KIAA0825: variants seen among roughly 807,000 people sequenced by gnomAD.
KIAA0825 encodes the protein KIAA0825.
KIAA0825 carries 119 observed loss-of-function variants against 147.6 expected under a neutral mutation model. The observed-to-expected ratio is 0.81, with a 90% CI of 0.69 to 0.94. The LOEUF (loss-of-function observed/expected upper bound fraction) is 0.94. Among genes scored for constraint, KIAA0825 ranks in the 40% least tolerant of loss-of-function variants. KIAA0825 has a pLI of 0.00. For synonymous variants in KIAA0825, 470 were observed against 518.1 expected (o/e 0.91, Z 1.26); for missense variants, 1,381 against 1,472.7 (o/e 0.94, Z 1.02).
intron 20 of KIAA0825, among the ~76,000 whole-genome samples, chr5:94,258,044 A>G (rs951634873): frequency 1.3e-5 from 2 of 152,096 alleles, no homozygotes; most frequent in African/African-American, 4.8e-5. Context: ...GTATGATGTT[A>G]AAATGAATAA....
intron 7 of KIAA0825, 79 bp from the exon 8 acceptor site, chr5:94,473,598 T>G (rs2150999424): frequency 1.1e-6 from 1 of 891,680 alleles, no homozygotes; most frequent in East Asian, 2.7e-5. Context: ...TATAAAATTA[T>G]TACTTTCATT....
intron 16 of KIAA0825, among the ~76,000 whole-genome samples, chr5:94,400,154 G>C (rs907977676): frequency 6.6e-6 from 1 of 152,092 alleles, no homozygotes; most frequent in Non-Finnish European, 1.5e-5. Flanking sequence ...GGTGAAGGCT[G>C]TTGTTGAAAT....
chr5:94,428,606 G>C (rs944943843), intron 14 of KIAA0825, among the ~76,000 whole-genome samples: 4 of 152,176 alleles, frequency 2.6e-5, no homozygotes, highest in African/African-American at 9.7e-5. Flanking sequence ...GGTTTCTGCT[G>C]AGAAGTCTGC....
At chr5:94,183,155 C>T (rs1769818165) in intron 20 of KIAA0825, among the ~76,000 whole-genome samples, 1 of 152,162 alleles carries the variant, frequency 6.6e-6, no homozygotes, top group African/African-American at 2.4e-5. Flanking sequence ...CACTATTCCT[C>T]ATCATTCAGC....
Position 94,520,529 on chromosome 5 carries a change from G to A in KIAA0825, c.689C>T (p.Ser230Phe), listed in dbSNP as rs746483535. The A allele has an allele frequency of 1.2e-6, 2 of 1,613,050 alleles. No homozygotes were observed. The highest frequency in any genetic ancestry group is 8.5e-7 in the Non-Finnish European group (1 of 1,179,220). Residue 230 changes from serine to phenylalanine, a missense_variant, in exon 5 of 21, where the codon TCT (serine) becomes TTT (phenylalanine). By Grantham distance (155) the Ser-to-Phe change is radical. Transcript: ENST00000682413. ...LANLLWNCFP[S>F]YNRDSNLDVI... ...ATCTAAATTTGAATCTCTGTTGTAA[G>A]AAGGAAAGCAGTTCCACAGAAGATT...
At chr5:94,212,853 A>C (rs1160223880) in intron 20 of KIAA0825, among the ~76,000 whole-genome samples, 2 of 152,214 alleles carry the variant, frequency 1.3e-5, no homozygotes, top group Non-Finnish European at 1.5e-5. Flanking sequence ...AGCTCTTTGA[A>C]CAGATAGTCT....
chr5:94,439,513 G>A (rs985288738), intron 14 of KIAA0825, among the ~76,000 whole-genome samples: 4 of 151,980 alleles, frequency 2.6e-5, no homozygotes, highest in African/African-American at 4.8e-5. Context: ...GTGCTCCAAC[G>A]GATATAGCTG....
chr5:94,464,742 G>T, intron 11 of KIAA0825, 127 bp downstream of exon 11: 3 of 764,554 alleles, frequency 3.9e-6, no homozygotes, highest in Non-Finnish European at 4.0e-6. Flanking sequence ...AATAGAATAT[G>T]ATTTCTTTTC....
At position 94,440,141 on chromosome 5, in the gene KIAA0825, A is replaced by G. The variant is rs1165560140; in HGVS notation, c.2358-20T>C. ...GGAGTCCTTTCAAAATGCAAGATAA[A>G]GATGGAGTAATGAAGTTAATTTATC... On this transcript the variant is annotated intron_variant, in intron 13 of 20. Transcript: ENST00000682413. The G allele has an allele frequency of 6.5e-7, 1 of 1,549,516 alleles. No homozygotes were observed. Among genetic ancestry groups the G allele is most frequent in the East Asian group, 2.4e-5 (1 of 40,896 alleles).
At chr5:94,262,144 G>T (rs1776526776) in intron 20 of KIAA0825, among the ~76,000 whole-genome samples, 1 of 151,840 alleles carries the variant, frequency 6.6e-6, no homozygotes, top group Non-Finnish European at 1.5e-5. Flanking sequence ...ATAGGCAAAG[G>T]AATTAAGCAG....
intron 20 of KIAA0825, among the ~76,000 whole-genome samples, chr5:94,283,286 A>T (rs9314104): frequency 1.2e-4 from 18 of 152,046 alleles, no homozygotes; most frequent in African/African-American, 3.4e-4. Context: ...TTTTAACAGA[A>T]GAAGAAATTG....
intron 20 of KIAA0825, among the ~76,000 whole-genome samples, chr5:94,303,014 C>T (rs1272392007): frequency 1.3e-5 from 2 of 151,980 alleles, no homozygotes; most frequent in Non-Finnish European, 2.9e-5. Flanking sequence ...CACTTCAACA[C>T]TAGACACATT....
chr5:94,444,112 C>T (rs1757440865), intron 13 of KIAA0825, among the ~76,000 whole-genome samples: 2 of 152,040 alleles, frequency 1.3e-5, no homozygotes, highest in African/African-American at 4.8e-5. Context: ...AGGAGCAGCC[C>T]CTCCCACCAA....
chr5:94,254,897 C>T (rs1424010314), intron 20 of KIAA0825, among the ~76,000 whole-genome samples: 2 of 151,944 alleles, frequency 1.3e-5, no homozygotes, highest in Non-Finnish European at 2.9e-5. Flanking sequence ...TGCTAGAAGA[C>T]ACAGCTTAGC....
chr5:94,532,977 T>G (rs797021402), intron 3 of KIAA0825, among the ~76,000 whole-genome samples: 19 of 151,396 alleles, frequency 1.3e-4, no homozygotes, highest in African/African-American at 4.4e-4. Flanking sequence ...AATCATTCTG[T>G]GTCTTTTTTT....
At chr5:94,452,380 C>T (rs1404190856) in intron 13 of KIAA0825, among the ~76,000 whole-genome samples, 1 of 152,140 alleles carries the variant, frequency 6.6e-6, no homozygotes, top group African/African-American at 2.4e-5. Flanking sequence ...TTTAGCTGTA[C>T]ATGATATTTT....
chr5:94,548,590 G>A (rs1242653642), intron 2 of KIAA0825, among the ~76,000 whole-genome samples: 2 of 152,068 alleles, frequency 1.3e-5, no homozygotes, highest in Non-Finnish European at 2.9e-5. Context: ...AAAGTAAATG[G>A]ACTAAACTCT....
chr5:94,470,246 C>A, intron 9 of KIAA0825, 135 bp from the exon 10 acceptor site: 1 of 546,722 alleles, frequency 1.8e-6, no homozygotes, highest in Non-Finnish European at 2.8e-6. Context: ...AGTCTGCATC[C>A]ACATTCACTT....
intron 1 of KIAA0825, chr5:94,594,136 G>A (rs1784840447): frequency 1.8e-6 from 1 of 552,412 alleles, no homozygotes; most frequent in South Asian, 1.4e-5. Flanking sequence ...ATATTTTCCT[G>A]AATATCTGCT....
Sources: allele counts gnomAD v4.1 joint callset (sites outside exome capture counted in the v4.1 genomes callset), GRCh38; gene constraint gnomAD v4.1.1; transcripts MANE v1.5; gene names NCBI Gene and HGNC (gene_info 2026-07-23, HGNC 2026-07-21).